The following LUZP2 variants were observed in gnomAD, a reference collection of about 807,000 sequenced individuals.
LUZP2 encodes the protein leucine zipper protein 2.
A neutral mutation model predicts 51.6 loss-of-function variants in LUZP2; 52 were observed. That is an observed-to-expected ratio of 1.01 (90% CI 0.81 to 1.27). The LOEUF (loss-of-function observed/expected upper bound fraction) is 1.27, where lower values mean the gene tolerates loss of function less well. Among genes scored for constraint, LUZP2 ranks in the 50% most tolerant of loss-of-function variants. The probability of loss-of-function intolerance (pLI) is 0.00; values close to 1 mark genes in which losing one functional copy is unlikely to be tolerated. For missense variants in LUZP2, 436 were observed against 395.4 expected, an observed-to-expected ratio of 1.10 and a Z score of -0.87; for synonymous variants, 154 against 137.3, an observed-to-expected ratio of 1.12 and a Z score of -0.85.
At chr11:25,056,428 A>G (rs1390994257) in intron 10 of LUZP2, among the ~76,000 whole-genome samples, 1 of 152,144 alleles carries the variant, frequency 6.6e-6, no homozygotes, top group Non-Finnish European at 1.5e-5. Context: ...GACAGCTGAT[A>G]GGACCCCATG....
intron 1 of LUZP2, among the ~76,000 whole-genome samples, chr11:24,669,938 A>G (rs1305575709): frequency 1.3e-5 from 2 of 152,222 alleles, no homozygotes; most frequent in East Asian, 3.9e-4. Flanking sequence ...AGCTAATGGT[A>G]GGACTCTAGG....
At chr11:24,614,075 C>T (rs148524736) in intron 1 of LUZP2, among the ~76,000 whole-genome samples, 208 of 151,976 alleles carry the variant, frequency 1.4e-3, no homozygotes, top group African/African-American at 4.5e-3. Context: ...TAGCACTTGT[C>T]GTATGATTGA....
chr11:24,770,843 G>C (rs1860385113), intron 5 of LUZP2, among the ~76,000 whole-genome samples: 1 of 152,086 alleles, frequency 6.6e-6, no homozygotes, highest in Admixed American at 6.5e-5. Context: ...TTGTACCTTA[G>C]AAAAAACTCT....
intron 1 of LUZP2, among the ~76,000 whole-genome samples, chr11:24,674,867 A>G (rs1856496989): frequency 6.6e-6 from 1 of 152,184 alleles, no homozygotes; most frequent in Admixed American, 6.6e-5. Context: ...GTTGGATAAG[A>G]GGAATTTCAG....
rs901000496 is a variant in LUZP2, at chr11:24,573,855, C to A, written c.62+76550C>A. ...TCTTTTTTAAAAATGTAACTGAATTCTTGTTTTATTTTTTTTATTTTTTTA... is the reference window on the plus strand; with the variant it reads ...TCTTTTTTAAAAATGTAACTGAATTATTGTTTTATTTTTTTTATTTTTTTA... On this transcript the variant is annotated intron_variant, in intron 1 of 11. Coordinates refer to ENST00000336930, the MANE Select transcript of LUZP2 (RefSeq NM_001009909.4). Among the ~76,000 whole-genome samples the A allele has an allele frequency of 5.2e-5, 5 of 96,718 alleles. No individual in the cohort carries two copies. The East Asian group carries it at 2.2e-3, about 42-fold the overall frequency. The allele number at this position is 96,718 out of a possible 152,430, so 63.5% of individuals were successfully genotyped here.
At chr11:24,733,242 G>A (rs913495006) in intron 3 of LUZP2, among the ~76,000 whole-genome samples, 7 of 151,608 alleles carry the variant, frequency 4.6e-5, no homozygotes, top group Non-Finnish European at 1.0e-4. Context: ...TATTTAATGT[G>A]AAATTCTCTT....
intron 4 of LUZP2, among the ~76,000 whole-genome samples, chr11:24,748,710 G>A (rs1402456967): frequency 6.6e-6 from 1 of 152,060 alleles, no homozygotes; most frequent in Non-Finnish European, 1.5e-5. Context: ...GCCCCCCTTG[G>A]CCTCCCAATG....
At chr11:25,075,956 G>T (rs774585294) in intron 10 of LUZP2, among the ~76,000 whole-genome samples, 9 of 151,544 alleles carry the variant, frequency 5.9e-5, no homozygotes, top group Non-Finnish European at 1.2e-4. Context: ...TTATTTTTTT[G>T]ATGTCAGTGG....
intron 1 of LUZP2, among the ~76,000 whole-genome samples, chr11:24,640,991 AG>A (rs1855261853): frequency 1.2e-5 from 1 of 86,004 alleles, no homozygotes; most frequent in Non-Finnish European, 2.5e-5. Flanking sequence ...ATATAGATAT[AG>A]ATATAGATAT....
chr11:25,042,594 A>C (rs894011604), intron 9 of LUZP2, among the ~76,000 whole-genome samples: 8 of 152,188 alleles, frequency 5.3e-5, no homozygotes, highest in Admixed American at 5.2e-4. Flanking sequence ...TTGCTGACTT[A>C]AAACAACATA....
intron 1 of LUZP2, among the ~76,000 whole-genome samples, chr11:24,514,246 A>C (rs905961827): frequency 9.2e-5 from 14 of 152,170 alleles, no homozygotes; most frequent in African/African-American, 3.4e-4. Flanking sequence ...GGCAATTAAA[A>C]ATTTCAAGAC....
intron 7 of LUZP2, among the ~76,000 whole-genome samples, chr11:24,957,183 A>G (rs1046221021): frequency 6.6e-6 from 1 of 152,110 alleles, no homozygotes; most frequent in South Asian, 2.1e-4. Flanking sequence ...ACCAAAACCT[A>G]GCTGTTATCT....
chr11:24,497,866 C>G (rs1366440966), intron 1 of LUZP2, among the ~76,000 whole-genome samples: 1 of 152,194 alleles, frequency 6.6e-6, no homozygotes, highest in Non-Finnish European at 1.5e-5. Context: ...TTTTGACTGT[C>G]TTGTGAACAG....
intron 1 of LUZP2, among the ~76,000 whole-genome samples, chr11:24,533,910 A>C (rs916247820): frequency 6.0e-5 from 9 of 151,236 alleles, no homozygotes; most frequent in African/African-American, 2.2e-4. Context: ...CTATCTCCTC[A>C]ACATGACCCC....
intron 1 of LUZP2, among the ~76,000 whole-genome samples, chr11:24,622,225 C>G (rs1055441143): frequency 1.4e-5 from 2 of 144,088 alleles, no homozygotes; most frequent in Non-Finnish European, 3.1e-5. Flanking sequence ...GTGTGCTGCA[C>G]CCATTAACTC....
intron 6 of LUZP2, among the ~76,000 whole-genome samples, chr11:24,914,132 A>G (rs751898864): frequency 2.0e-5 from 3 of 152,202 alleles, no homozygotes; most frequent in Non-Finnish European, 4.4e-5. Flanking sequence ...AAAAAAAATG[A>G]GGCATGCATA....
chr11:24,882,857 T>C (rs1407107290), intron 5 of LUZP2, among the ~76,000 whole-genome samples: 2 of 84,626 alleles, frequency 2.4e-5, no homozygotes, highest in Non-Finnish European at 5.6e-5. Context: ...GAAACAAAGA[T>C]AAAAGGAAGA....
chr11:24,840,636 A>T (rs1397805581), intron 5 of LUZP2, among the ~76,000 whole-genome samples: 1 of 151,922 alleles, frequency 6.6e-6, no homozygotes, highest in African/African-American at 2.4e-5. Flanking sequence ...ATATCTGGAG[A>T]TGGGGGCTTA....
intron 9 of LUZP2, among the ~76,000 whole-genome samples, chr11:25,038,697 C>T (rs1023635408): frequency 6.6e-6 from 1 of 152,140 alleles, no homozygotes; most frequent in African/African-American, 2.4e-5. Flanking sequence ...AGCTAGTGAG[C>T]TCATTTGTAG....
Sources: gnomAD v4.1 joint callset for allele counts (sites outside exome capture counted in the v4.1 genomes callset) on GRCh38, gnomAD v4.1.1 for gene constraint, MANE v1.5 for transcripts, NCBI Gene and HGNC (gene_info 2026-07-23, HGNC 2026-07-21) for gene names.